UPRT: variants seen among roughly 807,000 people sequenced by gnomAD.
UPRT encodes the protein uracil phosphoribosyltransferase homolog.
Under a neutral mutation model 22.6 loss-of-function variants are expected in UPRT, and 5 were observed. The ratio of observed to expected loss-of-function variants is 0.22; its 90% CI spans 0.12 to 0.47. UPRT has a LOEUF of 0.47. Ranked by LOEUF, UPRT falls within the 20% of genes least tolerant of loss-of-function variation. The pLI, the probability that UPRT is intolerant of heterozygous loss-of-function variation, is 0.99. For synonymous variants in UPRT, 77 were observed against 87.7 expected, an observed-to-expected ratio of 0.88 and a Z score of 0.68; for missense variants, 181 against 239.9, an observed-to-expected ratio of 0.75 and a Z score of 1.62.
At chrX:75,191,732 G>A (rs1052777873) in intron 4 of UPRT, among the ~76,000 whole-genome samples, 6 of 112,123 alleles carry the variant, frequency 5.4e-5, no homozygotes, top group South Asian at 3.7e-4. Context: ...AGCAATGAGC[G>A]AGGCTCCATG....
chrX:75,180,681 G>GTTTTT (rs59522302), intron 4 of UPRT, among the ~76,000 whole-genome samples: 6 of 43,895 alleles, frequency 1.4e-4, no homozygotes, highest in African/African-American at 3.7e-4. Context: ...CCTTTTCTCT[G>GTTTTT]TTTTTTTTTT....
intron 4 of UPRT, among the ~76,000 whole-genome samples, chrX:75,180,336 T>C (rs1334472554): frequency 1.8e-5 from 2 of 111,951 alleles, no homozygotes; most frequent in Non-Finnish European, 1.9e-5. Context: ...CCCCTGTGTT[T>C]TGCTCAGCTC....
intron 4 of UPRT, among the ~76,000 whole-genome samples, chrX:75,180,965 G>T (rs1454686773): frequency 9.1e-6 from 1 of 109,861 alleles, no homozygotes; most frequent in Non-Finnish European, 1.9e-5. Context: ...GTATTGCCTA[G>T]ATTGTCTTCC....
chrX:75,295,070 G>A (rs2082721405), intron 2 of UPRT, among the ~76,000 whole-genome samples: 2 of 110,675 alleles, frequency 1.8e-5, no homozygotes, highest in Non-Finnish European at 3.8e-5. Context: ...TGTGGTTGTG[G>A]TAGAGACTGG....
chrX:75,189,499 T>G (rs774256153), intron 4 of UPRT, among the ~76,000 whole-genome samples: 15 of 112,105 alleles, frequency 1.3e-4, no homozygotes, highest in Non-Finnish European at 2.3e-4. Context: ...TTCTTAAGTC[T>G]GCTTGGTGCA....
chrX:75,253,594 G>A (rs753914208), intron 4 of UPRT, among the ~76,000 whole-genome samples: 3 of 111,960 alleles, frequency 2.7e-5, no homozygotes, highest in Admixed American at 9.5e-5. Flanking sequence ...TGCTGACTCC[G>A]ATGGACAGAG....
At chrX:75,200,313 G>T (rs1031741443) in intron 4 of UPRT, among the ~76,000 whole-genome samples, 1 of 112,069 alleles carries the variant, frequency 8.9e-6, no homozygotes, top group Admixed American at 9.4e-5. Context: ...TTCTTTTTTG[G>T]CTGGGCATGG....
chrX:75,238,876 C>T (rs774191898), intron 4 of UPRT, among the ~76,000 whole-genome samples: 3 of 111,538 alleles, frequency 2.7e-5, no homozygotes, highest in East Asian at 2.8e-4. Context: ...TGGTCAACAA[C>T]GAAATCAAGA....
At chrX:75,236,830 T>G (rs1304396226) in intron 4 of UPRT, among the ~76,000 whole-genome samples, 1 of 112,230 alleles carries the variant, frequency 8.9e-6, no homozygotes, top group African/African-American at 3.2e-5. Flanking sequence ...ACGTTTGACC[T>G]AAAACCATAG....
chrX:75,274,177 G>C lies in UPRT; in HGVS notation c.-78G>C, dbSNP rs2082620803. On this transcript the variant is annotated 5_prime_UTR_variant, in exon 1 of 7. Coordinates refer to ENST00000373383, the MANE Select transcript of UPRT (RefSeq NM_145052.4). ...GAGGCGGGAGCAACCGAGAGAGCAC[G>C]TGAGCATCTGTCCTTTCTACCCGTT... 8.8e-7 allele frequency: 1 copy of C among 1,137,617 alleles called. No homozygotes were observed. 93.8% of individuals were successfully genotyped at this position (1,137,617 alleles called of 1,213,427 possible).
chrX:75,302,568 T>C (rs1309180901), intron 6 of UPRT, among the ~76,000 whole-genome samples: 1 of 111,778 alleles, frequency 8.9e-6, no homozygotes, highest in Non-Finnish European at 1.9e-5. Flanking sequence ...ACATTTACCA[T>C]GTACATTTTT....
At chrX:75,297,657 T>C in intron 4 of UPRT, 104 bp downstream of exon 4, 1 of 906,998 alleles carries the variant, frequency 1.1e-6, no homozygotes, top group Non-Finnish European at 1.6e-6. Context: ...AGCCTGCCTT[T>C]AGTTAAATCT....
chrX:75,185,888 T>C (rs1335785299), intron 4 of UPRT, among the ~76,000 whole-genome samples: 3 of 111,833 alleles, frequency 2.7e-5, no homozygotes, highest in Non-Finnish European at 5.6e-5. Context: ...CATTTTTTAC[T>C]GTGTCTATTT....
chrX:75,229,116 C>T (rs962397219), intron 4 of UPRT, among the ~76,000 whole-genome samples: 28 of 111,706 alleles, frequency 2.5e-4, no homozygotes, highest in African/African-American at 5.5e-4. Flanking sequence ...AATAATACTG[C>T]GCTGTAGACT....
At chrX:75,233,474 C>T (rs976249473) in intron 4 of UPRT, among the ~76,000 whole-genome samples, 1 of 109,904 alleles carries the variant, frequency 9.1e-6, no homozygotes, top group Admixed American at 9.8e-5. Flanking sequence ...AACACCAAGA[C>T]ATATAATTGT....
At position 75,304,477 on chromosome X, in the gene UPRT, A is replaced by G. The variant is rs2082755867; in HGVS notation, c.*966A>G. ...TTTTGTAAAAACCCCTAAGATTTGT[A>G]TATGTTCATCTTTAGGCTTCTGAAA... is the stretch of plus-strand genomic sequence containing the variant. On this transcript the variant is annotated 3_prime_UTR_variant, in exon 7 of 7. Transcript: ENST00000373383. 1 of 112,131 alleles carries G rather than the reference A, an allele frequency of 8.9e-6. No homozygotes were observed. The highest frequency in any genetic ancestry group is 9.5e-5 in the Admixed American group (1 of 10,571). The allele number at this position is 112,131 out of a possible 1,213,427, so 9.2% of individuals were successfully genotyped here.
chrX:75,196,854 G>GATA lies in UPRT; in HGVS notation c.-447+28995_-447+28997dup, dbSNP rs758851671. 8.4e-3 allele frequency among the ~76,000 whole-genome samples: 923 copies of GATA among 110,417 alleles called. 7 individuals are homozygous for GATA. Among genetic ancestry groups the GATA allele is most frequent in the African/African-American group, 0.026 (804 of 30,362 alleles). ...AAAGTGAGACTCTTTCTCAAAAAAA[G>GATA]ATAATAATAATAATAATAATAAAAG... On this transcript the variant is annotated intron_variant, in intron 4 of 13. Coordinates refer to the UPRT transcript ENST00000652605.
At chrX:75,217,166 G>A (rs2082395685) in intron 4 of UPRT, among the ~76,000 whole-genome samples, 1 of 111,885 alleles carries the variant, frequency 8.9e-6, no homozygotes, top group Non-Finnish European at 1.9e-5. Flanking sequence ...CATGAGTGGA[G>A]TCTTGATGGG....
chrX:75,176,930 G>A (rs774290228), intron 4 of UPRT, among the ~76,000 whole-genome samples: 47 of 111,406 alleles, frequency 4.2e-4, no homozygotes, highest in Admixed American at 1.3e-3. Context: ...GTGCCAAGCC[G>A]TAGTGCAGAA....
Sources: gnomAD v4.1 joint callset for allele counts (sites outside exome capture counted in the v4.1 genomes callset) on GRCh38, gnomAD v4.1.1 for gene constraint, MANE v1.5 for transcripts, NCBI Gene and HGNC (gene_info 2026-07-23, HGNC 2026-07-21) for gene names.